The following LRBA variants were observed in gnomAD, a reference collection of about 807,000 sequenced individuals.
LRBA encodes LPS responsive beige-like anchor protein, also known as lipopolysaccharide-responsive and beige-like anchor protein.
Under a neutral mutation model 330.0 loss-of-function variants are expected in LRBA, and 176 were observed. The observed-to-expected ratio is 0.53, with a 90% confidence interval of 0.47 to 0.60. The LOEUF is 0.60. Among genes scored for constraint, LRBA ranks in the 20% least tolerant of loss-of-function variants. The pLI is 0.00. For synonymous variants in LRBA, 1,230 were observed against 1,193.0 expected, an observed-to-expected ratio of 1.03 and a Z score of -0.64; for missense variants, 3,259 against 3,444.8, an observed-to-expected ratio of 0.95 and a Z score of 1.35.
intron 53 of LRBA, among the ~76,000 whole-genome samples, chr4:150,287,859 C>G (rs1388317752): frequency 1.3e-5 from 2 of 152,186 alleles, no homozygotes; most frequent in African/African-American, 4.8e-5. Context: ...TGACATTTCC[C>G]AAGCCACAAA....
chr4:150,664,375 T>C (rs1781386850), intron 37 of LRBA, among the ~76,000 whole-genome samples: 1 of 152,190 alleles, frequency 6.6e-6, no homozygotes, highest in African/African-American at 2.4e-5. Flanking sequence ...GCTTGACATA[T>C]TATCGAAAAC....
At chr4:150,658,194 T>C (rs1158025499) in intron 37 of LRBA, among the ~76,000 whole-genome samples, 1 of 45,576 alleles carries the variant, frequency 2.2e-5, no homozygotes, top group East Asian at 1.4e-3. Flanking sequence ...TGAAAATAGA[T>C]TCCCCCCCTT....
intron 2 of LRBA, among the ~76,000 whole-genome samples, chr4:150,941,093 C>T (rs1181842469): frequency 6.6e-6 from 1 of 152,004 alleles, no homozygotes; most frequent in Non-Finnish European, 1.5e-5. Context: ...GCCTGTGCCT[C>T]TCTAGGTTGA....
chr4:150,556,414 T>C (rs1767322650), intron 40 of LRBA, among the ~76,000 whole-genome samples: 1 of 152,226 alleles, frequency 6.6e-6, no homozygotes, highest in Non-Finnish European at 1.5e-5. Flanking sequence ...AGGAACCAAA[T>C]CAGAGCTATT....
chr4:150,818,795 G>A (rs1744995244), intron 30 of LRBA, among the ~76,000 whole-genome samples: 1 of 152,010 alleles, frequency 6.6e-6, no homozygotes, highest in African/African-American at 2.4e-5. Context: ...CATACTGTAA[G>A]TAGGGACTGA....
At chr4:150,453,494 C>T (rs1055250771) in intron 44 of LRBA, among the ~76,000 whole-genome samples, 5 of 152,158 alleles carry the variant, frequency 3.3e-5, no homozygotes, top group Admixed American at 1.3e-4. Context: ...TTACCATGAA[C>T]TTACAATACA....
intron 2 of LRBA, among the ~76,000 whole-genome samples, chr4:150,955,477 T>C (rs1265968058): frequency 6.7e-6 from 1 of 148,788 alleles, no homozygotes; most frequent in East Asian, 1.9e-4. Context: ...AGCCAAGCCA[T>C]GTCCGGTGGC....
At chr4:150,766,942 C>G (rs1735838609) in intron 34 of LRBA, among the ~76,000 whole-genome samples, 1 of 152,128 alleles carries the variant, frequency 6.6e-6, no homozygotes, top group Non-Finnish European at 1.5e-5. Flanking sequence ...TAATTGTTGA[C>G]TAGTCAATTT....
intron 47 of LRBA, among the ~76,000 whole-genome samples, chr4:150,399,731 C>A (rs1262664208): frequency 6.6e-6 from 1 of 152,112 alleles, no homozygotes; most frequent in Non-Finnish European, 1.5e-5. Context: ...GTAGTCCCAG[C>A]ACTTTGGGTG....
intron 47 of LRBA, among the ~76,000 whole-genome samples, chr4:150,396,398 G>A (rs1474060551): frequency 6.6e-6 from 1 of 151,180 alleles, no homozygotes; most frequent in Non-Finnish European, 1.5e-5. Flanking sequence ...CCAGCCTCTG[G>A]GTCTCTAGCT....
At chr4:150,647,811 C>G (rs1779305440) in intron 37 of LRBA, among the ~76,000 whole-genome samples, 1 of 151,934 alleles carries the variant, frequency 6.6e-6, no homozygotes, top group South Asian at 2.1e-4. Flanking sequence ...TCAAAGACCC[C>G]TCCATAATCG....
intron 40 of LRBA, among the ~76,000 whole-genome samples, chr4:150,502,223 T>C (rs1280800298): frequency 6.6e-6 from 1 of 152,170 alleles, no homozygotes; most frequent in African/African-American, 2.4e-5. Flanking sequence ...AATCTCATGA[T>C]TCATGGAGCA....
intron 35 of LRBA, among the ~76,000 whole-genome samples, chr4:150,745,499 A>T (rs1465150932): frequency 6.6e-6 from 1 of 152,066 alleles, no homozygotes; most frequent in African/African-American, 2.4e-5. Flanking sequence ...TAAAGAGAAA[A>T]AAACCTTTGT....
intron 18 of LRBA, 98 bp downstream of exon 18, chr4:150,872,565 G>T (rs1753563299): frequency 1.4e-6 from 1 of 725,402 alleles, no homozygotes; most frequent in Admixed American, 2.8e-5. Context: ...AAAAATAAAA[G>T]AAAAACTAGA....
Position 150,467,775 on chromosome 4 carries a change from A to C in LRBA, c.6678T>G (p.Tyr2226Ter). ...MFLNTIAGRSYNDLNQYPVFP... is the reference protein window; with the variant it reads ...MFLNTIAGRS ...ACACTGGATACTGATTTAAGTCATT[A>C]TAACTCCGTCCTGATAGGGAAAAAA... The change falls in exon 44 of 57, where the codon TAT (tyrosine) becomes TAG (stop). Residue 2226 changes from tyrosine to a stop codon, truncating the protein, a stop_gained. Transcript: ENST00000651943. LOFTEE classifies it high-confidence loss of function. 1 of 1,536,652 alleles carries C rather than the reference A, an allele frequency of 6.5e-7. No homozygotes were observed. Among genetic ancestry groups the C allele is most frequent in the Non-Finnish European group, 9.0e-7 (1 of 1,116,382 alleles).
At chr4:150,494,537 T>C (rs1347288871) in intron 40 of LRBA, among the ~76,000 whole-genome samples, 1 of 152,250 alleles carries the variant, frequency 6.6e-6, no homozygotes, top group Non-Finnish European at 1.5e-5. Flanking sequence ...ATGAGTATAC[T>C]ACAGCATTGT....
At chr4:150,667,772 A>C (rs1039783400) in intron 37 of LRBA, among the ~76,000 whole-genome samples, 3 of 152,172 alleles carry the variant, frequency 2.0e-5, no homozygotes, top group African/African-American at 7.2e-5. Context: ...TCTCACCAGA[A>C]TCCAACCATG....
chr4:151,002,175 G>A (rs191237136), intron 2 of LRBA, among the ~76,000 whole-genome samples: 37 of 81,620 alleles, frequency 4.5e-4, no homozygotes, highest in African/African-American at 1.5e-3. Flanking sequence ...TCAATGTAAC[G>A]ACAGAGGAAA....
At chr4:150,926,925 G>A (rs1379934734) in intron 4 of LRBA, among the ~76,000 whole-genome samples, 1 of 151,780 alleles carries the variant, frequency 6.6e-6, no homozygotes, top group Non-Finnish European at 1.5e-5. Context: ...AGAAAAGTTA[G>A]CCAGGCGTGG....
Sources: gnomAD v4.1 joint callset for allele counts (sites outside exome capture counted in the v4.1 genomes callset) on GRCh38, gnomAD v4.1.1 for gene constraint, MANE v1.5 for transcripts, NCBI Gene and HGNC (gene_info 2026-07-23, HGNC 2026-07-21) for gene names.